The following NBAS variants were observed in gnomAD, a reference collection of about 807,000 sequenced individuals.
The protein encoded by NBAS is NBAS subunit of NRZ tethering complex.
A neutral mutation model predicts 302.5 loss-of-function variants in NBAS; 219 were observed. The ratio of observed to expected loss-of-function variants is 0.72; its 90% CI spans 0.65 to 0.81. The LOEUF (loss-of-function observed/expected upper bound fraction) is 0.81. NBAS is among the 30% of genes least tolerant of loss of function. The probability of loss-of-function intolerance (pLI) is 0.00; values close to 1 mark genes in which losing one functional copy is unlikely to be tolerated. For missense variants in NBAS, 2,932 were observed against 2,841.6 expected, an observed-to-expected ratio of 1.03 and a Z score of -0.72; for synonymous variants, 1,118 against 1,021.6, an observed-to-expected ratio of 1.09 and a Z score of -1.80.
chr2:15,475,826 A>C lies in NBAS; in HGVS notation c.1202T>G (p.Val401Gly), dbSNP rs1186962294. The change falls in exon 14 of 52, where the codon GTG becomes GGG. Residue 401 changes from valine (V) to glycine (G), a missense_variant. Transcript: ENST00000281513. ...AGCACCAGAGCATCGAGCTAAAGTC[A>C]CTGCACTGTCTGCCCACCAATTGAC... ...IDVNWWADSA[V>G]TLARCSGALT... 1 of 1,614,094 alleles carries C rather than the reference A, an allele frequency of 6.2e-7. No homozygotes were observed. The highest frequency in any genetic ancestry group is 8.5e-7 in the Non-Finnish European group (1 of 1,179,962).
chr2:14,978,024 A>G, the NBAS span, among the ~76,000 whole-genome samples: 1 of 152,014 alleles, frequency 6.6e-6, no homozygotes, highest in Non-Finnish European at 1.5e-5. Context: ...ACTGTCTCCT[A>G]TTTTTCTACC....
chr2:15,047,174 G>A, the NBAS span, among the ~76,000 whole-genome samples: 3 of 152,366 alleles, frequency 2.0e-5, no homozygotes, highest in East Asian at 5.8e-4. Context: ...TTGAGACAGA[G>A]GTTTGCAACA....
At chr2:14,861,581 C>G in the NBAS span, among the ~76,000 whole-genome samples, 1 of 152,252 alleles carries the variant, frequency 6.6e-6, no homozygotes, top group Non-Finnish European at 1.5e-5. Flanking sequence ...ACTGAGCAGA[C>G]ATAGCTCTTC....
intron 50 of NBAS, among the ~76,000 whole-genome samples, chr2:15,184,107 T>C (rs1172851504): frequency 2.0e-5 from 3 of 152,238 alleles, no homozygotes; most frequent in African/African-American, 7.2e-5. Flanking sequence ...GCTATTCTTC[T>C]ATGTATGTAA....
intron 48 of NBAS, among the ~76,000 whole-genome samples, chr2:15,205,331 G>C (rs1396988679): frequency 2.6e-5 from 4 of 151,970 alleles, no homozygotes; most frequent in Admixed American, 6.5e-5. Context: ...AGACAGGAAA[G>C]AAGAAAAGAA....
intron 51 of NBAS, among the ~76,000 whole-genome samples, chr2:15,176,893 A>G (rs1182437922): frequency 6.6e-6 from 1 of 152,234 alleles, no homozygotes; most frequent in Admixed American, 6.5e-5. Context: ...ATTTAAAATT[A>G]TCTCAAAAAG....
chr2:15,020,985 A>G, the NBAS span, among the ~76,000 whole-genome samples: 1 of 152,172 alleles, frequency 6.6e-6, no homozygotes, highest in Admixed American at 6.5e-5. Context: ...TAATCCCAGC[A>G]CTTTGGTAGG....
the NBAS span, among the ~76,000 whole-genome samples, chr2:15,061,641 C>T: frequency 2.2e-3 from 340 of 152,214 alleles, 1 homozygote; most frequent in Admixed American, 5.1e-3. Context: ...ATTCATCAAG[C>T]GGGAGTAACA....
intron 19 of NBAS, among the ~76,000 whole-genome samples, chr2:15,464,944 T>C (rs1679659139): frequency 6.6e-6 from 1 of 152,358 alleles, no homozygotes; most frequent in East Asian, 1.9e-4. Flanking sequence ...CAGCATGGGC[T>C]ACTCGTCAGA....
intron 21 of NBAS, among the ~76,000 whole-genome samples, chr2:15,431,147 C>T (rs192368170): frequency 6.6e-6 from 1 of 152,058 alleles, no homozygotes; most frequent in Admixed American, 6.5e-5. Context: ...TTAATACAGA[C>T]AACCCAAAAA....
intron 11 of NBAS, 29 bp downstream of exon 11, chr2:15,504,116 C>T (rs767056987): frequency 1.3e-6 from 2 of 1,585,138 alleles, no homozygotes; most frequent in East Asian, 2.2e-5. Context: ...GTTTGAGAAG[C>T]CCACCATAGT....
intron 44 of NBAS, among the ~76,000 whole-genome samples, chr2:15,251,009 G>A (rs1028568239): frequency 3.3e-5 from 5 of 152,114 alleles, no homozygotes; most frequent in African/African-American, 9.7e-5. Context: ...ACATGCATAC[G>A]TATGTTTACT....
the NBAS span, among the ~76,000 whole-genome samples, chr2:15,107,270 T>A: frequency 6.6e-6 from 1 of 152,058 alleles, no homozygotes; most frequent in Non-Finnish European, 1.5e-5. Context: ...AAAGGCCATG[T>A]GAGGACATAG....
At chr2:15,025,210 A>G in the NBAS span, among the ~76,000 whole-genome samples, 7,936 of 152,238 alleles carry the variant, frequency 0.052, 457 homozygotes, top group African/African-American at 0.12. Context: ...AACACCATTT[A>G]TTGAATAAGG....
chr2:15,396,202 C>A (rs1338693623), intron 27 of NBAS, among the ~76,000 whole-genome samples: 2 of 152,056 alleles, frequency 1.3e-5, no homozygotes, highest in African/African-American at 2.4e-5. Context: ...TAAATTTGAA[C>A]GTAGGTTTTC....
chr2:15,518,431 T>C (rs1273423048), intron 9 of NBAS, among the ~76,000 whole-genome samples: 1 of 152,180 alleles, frequency 6.6e-6, no homozygotes, highest in African/African-American at 2.4e-5. Context: ...GTGGTAACCA[T>C]TACATCCTCA....
chr2:15,410,462 CA>C (rs201955238), intron 25 of NBAS, among the ~76,000 whole-genome samples: 8 of 147,776 alleles, frequency 5.4e-5, no homozygotes, highest in South Asian at 2.1e-4. Flanking sequence ...AGTGTTAGGG[CA>C]AAAAAAAAAT....
At chr2:14,973,407 T>G in the NBAS span, among the ~76,000 whole-genome samples, 19 of 152,232 alleles carry the variant, frequency 1.2e-4, no homozygotes, top group African/African-American at 4.6e-4. Flanking sequence ...CTTTAAGAAG[T>G]AAAATTGATT....
At chr2:15,115,236 C>A in the NBAS span, among the ~76,000 whole-genome samples, 2 of 152,178 alleles carry the variant, frequency 1.3e-5, no homozygotes, top group South Asian at 2.1e-4. Flanking sequence ...GCATCTAAAT[C>A]CAGTTTTGCC....
Sources: allele counts gnomAD v4.1 joint callset (sites outside exome capture counted in the v4.1 genomes callset), GRCh38; gene constraint gnomAD v4.1.1; transcripts MANE v1.5; gene names NCBI Gene and HGNC (gene_info 2026-07-23, HGNC 2026-07-21).